The following PLCB1 variants were observed in gnomAD, a reference collection of about 807,000 sequenced individuals.
PLCB1 encodes the protein phospholipase C beta 1, also known as 1-phosphatidylinositol 4,5-bisphosphate phosphodiesterase beta-1.
PLCB1 carries 46 observed loss-of-function variants against 161.8 expected under a neutral mutation model. That is an observed-to-expected ratio of 0.28 (90% CI 0.22 to 0.36). PLCB1 has a LOEUF of 0.36. Ranked by LOEUF, PLCB1 falls within the 10% of genes least tolerant of loss-of-function variation. The pLI, the probability that PLCB1 is intolerant of heterozygous loss-of-function variation, is 1.00. For missense variants in PLCB1, 1,016 were observed against 1,472.5 expected (o/e 0.69, Z 5.07); for synonymous variants, 517 against 503.7 (o/e 1.03, Z -0.35).
At chr20:8,204,277 G>T (rs926696224) in intron 2 of PLCB1, among the ~76,000 whole-genome samples, 2 of 152,068 alleles carry the variant, frequency 1.3e-5, no homozygotes, top group Admixed American at 6.6e-5. Context: ...AGGATTAGGG[G>T]CTTTTCCTCT....
intron 14 of PLCB1, among the ~76,000 whole-genome samples, chr20:8,721,986 G>T (rs1979663347): frequency 6.6e-6 from 1 of 152,182 alleles, no homozygotes; most frequent in Admixed American, 6.6e-5. Flanking sequence ...GACCCTGAGA[G>T]AGTGTTTGTA....
At chr20:8,746,240 C>T (rs560150421) in intron 23 of PLCB1, among the ~76,000 whole-genome samples, 6 of 152,248 alleles carry the variant, frequency 3.9e-5, no homozygotes, top group Admixed American at 2.6e-4. Context: ...TCTCTGTGCA[C>T]ATTTTTTAAA....
At chr20:8,368,088 G>A (rs889510356) in intron 2 of PLCB1, among the ~76,000 whole-genome samples, 1 of 152,094 alleles carries the variant, frequency 6.6e-6, no homozygotes, top group African/African-American at 2.4e-5. Context: ...GGAATACAGA[G>A]TTCATTATCT....
intron 3 of PLCB1, among the ~76,000 whole-genome samples, chr20:8,560,422 C>G (rs575425299): frequency 2.6e-5 from 4 of 151,982 alleles, no homozygotes; most frequent in African/African-American, 9.6e-5. Context: ...AACCACTTCT[C>G]ATTTCTGGCT....
rs184782099 is a variant in PLCB1, at chr20:8,509,542, G to T, written c.247-118752G>T. On this transcript the variant is annotated intron_variant, in intron 3 of 31. Coordinates refer to ENST00000338037, the MANE Select transcript of PLCB1 (RefSeq NM_015192.4). ...GGCTTATAAAGTACCATGAAGAGGA[G>T]GTAAAGAGAGAGTGGATATTTCAGT... Among the ~76,000 whole-genome samples the T allele has an allele frequency of 6.6e-5, 10 of 152,218 alleles. No individual in the cohort carries two copies. In the East Asian group the frequency reaches 1.9e-3, roughly 29 times the overall value.
intron 25 of PLCB1, among the ~76,000 whole-genome samples, chr20:8,762,773 CAT>C (rs1347539078): frequency 5.3e-5 from 8 of 152,180 alleles, no homozygotes; most frequent in Non-Finnish European, 1.0e-4. Flanking sequence ...GAAAAGGAAA[CAT>C]ATTTCTATTG....
intron 31 of PLCB1, among the ~76,000 whole-genome samples, chr20:8,825,382 C>T (rs998881445): frequency 6.6e-6 from 1 of 152,104 alleles, no homozygotes; most frequent in Non-Finnish European, 1.5e-5. Flanking sequence ...GAACTAAGAG[C>T]CAAAGGCTGA....
At chr20:8,662,272 T>C (rs1331750716) in intron 9 of PLCB1, among the ~76,000 whole-genome samples, 2 of 124,116 alleles carry the variant, frequency 1.6e-5, no homozygotes, top group East Asian at 5.1e-4. Flanking sequence ...CATAAGTATT[T>C]ATTATATAAT....
intron 4 of PLCB1, among the ~76,000 whole-genome samples, chr20:8,629,039 C>T (rs1371321521): frequency 6.6e-6 from 1 of 152,046 alleles, no homozygotes; most frequent in Non-Finnish European, 1.5e-5. Flanking sequence ...CACTTTCTCC[C>T]AAGTCATTCT....
chr20:8,811,328 T>C (rs1042853541), intron 31 of PLCB1, among the ~76,000 whole-genome samples: 12 of 152,316 alleles, frequency 7.9e-5, no homozygotes, highest in African/African-American at 2.9e-4. Context: ...GGATCTGGTC[T>C]AGTAATGGAG....
intron 2 of PLCB1, among the ~76,000 whole-genome samples, chr20:8,241,200 T>A (rs1040736076): frequency 6.6e-6 from 1 of 151,942 alleles, no homozygotes; most frequent in Non-Finnish European, 1.5e-5. Flanking sequence ...GCATAGTGAG[T>A]TGATAAAAAG....
chr20:8,202,039 A>G (rs1270704285), intron 2 of PLCB1, among the ~76,000 whole-genome samples: 1 of 152,170 alleles, frequency 6.6e-6, no homozygotes, highest in Non-Finnish European at 1.5e-5. Flanking sequence ...TCAGGAAGGC[A>G]GTATAGTTAT....
intron 27 of PLCB1, among the ~76,000 whole-genome samples, chr20:8,780,114 A>G (rs1298500856): frequency 2.0e-5 from 3 of 152,176 alleles, no homozygotes; most frequent in Non-Finnish European, 4.4e-5. Context: ...TTTTTCATCA[A>G]CTGCTACTGG....
intron 4 of PLCB1, among the ~76,000 whole-genome samples, chr20:8,631,594 A>T (rs1407033130): frequency 2.0e-5 from 3 of 152,168 alleles, no homozygotes; most frequent in Non-Finnish European, 4.4e-5. Context: ...TCATTCTCTA[A>T]CTTCCAAACC....
In PLCB1 at chr20:8,722,224, A is replaced by G. The variant is rs1018781034; in HGVS notation, c.1514-130A>G. On this transcript the variant is annotated intron_variant, in intron 14 of 31. Transcript: ENST00000338037. ...TAACGAATAAAATTTAAATCCTTGAAAAAAATAATTTTAAACAGCCCAACT... is the reference window on the plus strand; with the variant it reads ...TAACGAATAAAATTTAAATCCTTGAGAAAAATAATTTTAAACAGCCCAACT... 43 of 616,024 alleles carry G rather than the reference A, an allele frequency of 7.0e-5. No homozygotes were observed. The African/African-American group carries it at 7.1e-4, about 10-fold the overall frequency. The allele number at this position is 616,024 out of a possible 1,614,324, so 38.2% of individuals were successfully genotyped here.
chr20:8,734,427 A>C (rs1980475167), intron 19 of PLCB1, among the ~76,000 whole-genome samples: 1 of 151,892 alleles, frequency 6.6e-6, no homozygotes, highest in South Asian at 2.1e-4. Context: ...AAAAGCTTTC[A>C]AATTACTTTA....
Position 8,675,238 on chromosome 20 carries a change from C to A in PLCB1, c.863-9694C>A, listed in dbSNP as rs543846077. 2.6e-5 allele frequency among the ~76,000 whole-genome samples: 4 copies of A among 152,232 alleles called. No homozygotes were observed. The East Asian group carries it at 5.8e-4, about 22-fold the overall frequency. On this transcript the variant is annotated intron_variant, in intron 9 of 31. Coordinates refer to ENST00000338037, the MANE Select transcript of PLCB1 (RefSeq NM_015192.4). Reference sequence around the variant, plus strand: ...TGACTGCTTCTTGCACGCACCACCGCACCTGTTCCACAAAAGCGGCCTTGT... The same window carrying A: ...TGACTGCTTCTTGCACGCACCACCGAACCTGTTCCACAAAAGCGGCCTTGT...
intron 2 of PLCB1, among the ~76,000 whole-genome samples, chr20:8,202,317 C>T (rs1009341705): frequency 6.6e-6 from 1 of 152,354 alleles, no homozygotes; most frequent in East Asian, 1.9e-4. Flanking sequence ...TTCAAGTGAT[C>T]CGCTTACCTC....
intron 3 of PLCB1, among the ~76,000 whole-genome samples, chr20:8,523,919 A>G (rs1026044244): frequency 2.6e-5 from 4 of 152,050 alleles, no homozygotes; most frequent in Non-Finnish European, 2.9e-5. Context: ...CGTGTGTTGT[A>G]TGGAATCAAC....
Sources: gnomAD v4.1 joint callset for allele counts (sites outside exome capture counted in the v4.1 genomes callset) on GRCh38, gnomAD v4.1.1 for gene constraint, MANE v1.5 for transcripts, NCBI Gene and HGNC (gene_info 2026-07-23, HGNC 2026-07-21) for gene names.